Variants in MALAT1 observed in about 807,000 individuals in gnomAD.
MALAT1 encodes the protein metastasis associated lung adenocarcinoma transcript 1, also known as hepcarcin.
chr11:65,503,821 C>T (rs753954291), exon 3 of MALAT1: 1 of 516,002 alleles, frequency 1.9e-6, no homozygotes, highest in East Asian at 5.5e-5. Context: ...AAATTTTATT[C>T]TTCATAAAGT....
exon 3 of MALAT1, chr11:65,499,688 G>A: frequency 2.3e-6 from 1 of 432,054 alleles, no homozygotes; most frequent in Non-Finnish European, 4.5e-6. Context: ...AGTACGGGAA[G>A]GCGAAGAAAA....
intron 1 of MALAT1, chr11:65,498,520 C>T (rs984339770): frequency 7.7e-6 from 4 of 516,856 alleles, no homozygotes; most frequent in Non-Finnish European, 1.5e-5. Flanking sequence ...AACAAAAAAG[C>T]AAAACGTGTG....
chr11:65,504,257 T>C (rs756762515), intron 3 of MALAT1: 1 of 518,588 alleles, frequency 1.9e-6, no homozygotes, highest in Non-Finnish European at 3.8e-6. Context: ...CAAAATTTTT[T>C]TCCTGGAATT....
chr11:65,499,654 T>G (rs773971324), exon 3 of MALAT1: 1 of 436,558 alleles, frequency 2.3e-6, no homozygotes. Context: ...GATAGAAGTT[T>G]GAAGTGGAAA....
intron 2 of MALAT1, chr11:65,498,812 A>G (rs1277847151): frequency 5.8e-6 from 3 of 518,808 alleles, no homozygotes; most frequent in East Asian, 5.4e-5. Context: ...TCTTTTGTCT[A>G]AAGTTTGCAG....
intron 3 of MALAT1, chr11:65,506,020 T>C (rs112676515): frequency 2.2e-6 from 1 of 458,934 alleles, no homozygotes; most frequent in Non-Finnish European, 4.2e-6. Flanking sequence ...TTCAGTAGGG[T>C]CATGAAGGTT....
At chr11:65,499,086 C>CT (rs1565673851) in exon 3 of MALAT1, 1 of 518,250 alleles carries the variant, frequency 1.9e-6, no homozygotes, top group Non-Finnish European at 3.9e-6. Flanking sequence ...GCTGAGGGGG[C>CT]AGGCGGAGCT....
chr11:65,506,472 G>A (rs1474962463), downstream of MALAT1: 1 of 300,544 alleles, frequency 3.3e-6, no homozygotes, highest in Non-Finnish European at 6.6e-6. Flanking sequence ...GCTCTAAATT[G>A]TTGTGGTTCT....
At chr11:65,498,212 T>C (rs1365973147) in intron 1 of MALAT1, 2 of 518,780 alleles carry the variant, frequency 3.9e-6, no homozygotes, top group Non-Finnish European at 7.7e-6. Flanking sequence ...ACAAAGCCAT[T>C]CGCTTAGTTG....
Position 65,500,853 on chromosome 11 carries a change from T to G in MALAT1, n.2116T>G, listed in dbSNP as rs769791662. 1.7e-5 allele frequency: 9 copies of G among 518,800 alleles called. No individual in the cohort carries two copies. The Admixed American group carries it at 1.7e-4, about 10-fold the overall frequency. 32.1% of individuals were successfully genotyped at this position (518,800 alleles called of 1,614,324 possible). A position where few individuals can be genotyped will look rare whatever the true frequency, so the allele number is the denominator to read the frequency against. ...TATTTTCTAATATAATGGGGGAGTT[T>G]CGTACTGAGGTGTAAAGGGATTTAT... is the stretch of plus-strand genomic sequence containing the variant. On this transcript the variant is annotated non_coding_transcript_exon_variant, in exon 3 of 4. Transcript: ENST00000619449.
chr11:65,498,957 T>G, intron 2 of MALAT1: 1 of 518,910 alleles, frequency 1.9e-6, no homozygotes, highest in South Asian at 1.4e-5. Flanking sequence ...ACTTTTTGCC[T>G]CCCTCACAAA....
exon 3 of MALAT1, chr11:65,502,619 C>T (rs1379466061): frequency 4.9e-6 from 2 of 410,468 alleles, no homozygotes; most frequent in Non-Finnish European, 9.5e-6. Flanking sequence ...GGAGGGGAAA[C>T]TTTTTTTTTT....
In MALAT1 at chr11:65,498,717, CAAG is replaced by C. The variant is rs201881544; in HGVS notation, n.218_220del. On this transcript the variant is annotated non_coding_transcript_exon_variant, in exon 2 of 4. Transcript: ENST00000619449. ...ATACCTACTGTCCCTCAAGAGAACACAAGAAGTGCTTTAAGAGGTATTTTAAAA... is the reference window on the plus strand; with the variant it reads ...ATACCTACTGTCCCTCAAGAGAACACAAGTGCTTTAAGAGGTATTTTAAAA... 3.3e-3 allele frequency: 1,729 copies of C among 518,766 alleles called. 27 individuals are homozygous for C. Among genetic ancestry groups the C allele is most frequent in the African/African-American group, 0.031 (1,636 of 52,034 alleles). 32.1% of individuals were successfully genotyped at this position (518,766 alleles called of 1,614,324 possible).
Position 65,502,789 on chromosome 11 carries a change from C to A in MALAT1, n.4052C>A, listed in dbSNP as rs764734276. The A allele has an allele frequency of 4.5e-5, 23 of 514,248 alleles. 1 individual carries two copies. The highest frequency in any genetic ancestry group is 7.4e-5 in the Non-Finnish European group (19 of 257,522). The allele number at this position is 514,248 out of a possible 1,614,324, so 31.9% of individuals were successfully genotyped here. On this transcript the variant is annotated non_coding_transcript_exon_variant, in exon 3 of 4. Coordinates refer to ENST00000619449, the Ensembl canonical transcript of MALAT1. The stretch of plus-strand genomic sequence containing the variant: ...GGGGAATAAGCATAACCCTGAGATT[C>A]TTACTACTGATGAGAACATTATCTG...
At chr11:65,500,187 T>TA (rs750482441) in exon 3 of MALAT1, 101 of 507,996 alleles carry the variant, frequency 2.0e-4, no homozygotes, top group Admixed American at 7.8e-4. Flanking sequence ...TGGTGTAATT[T>TA]AAAAAAAACT....
At chr11:65,499,024 G>T (rs1195921570) in exon 3 of MALAT1, 1 of 518,700 alleles carries the variant, frequency 1.9e-6, no homozygotes. Context: ...CTATAAATAC[G>T]CCTCGCCCGA....
At chr11:65,504,332 CAG>C (rs754872426) in intron 3 of MALAT1, 6 of 512,136 alleles carry the variant, frequency 1.2e-5, no homozygotes, top group East Asian at 5.5e-5. Flanking sequence ...ACAGACTTCA[CAG>C]AGAATGCAGT....
chr11:65,500,166 A>G (rs1266852263), exon 3 of MALAT1: 3 of 505,118 alleles, frequency 5.9e-6, no homozygotes, highest in South Asian at 1.5e-5. Context: ...TCAAAAAGCT[A>G]CTAAAAGGAC....
exon 3 of MALAT1, chr11:65,499,183 A>G (rs765894623): frequency 5.9e-6 from 3 of 507,074 alleles, no homozygotes; most frequent in Non-Finnish European, 1.2e-5. Flanking sequence ...GGTTACTAAG[A>G]TATTGCTTAG....
Sources: allele counts gnomAD v4.1 joint callset, GRCh38; gene constraint gnomAD v4.1.1; transcripts MANE v1.5; gene names NCBI Gene and HGNC (gene_info 2026-07-23, HGNC 2026-07-21).